Variants in RIMBP2 observed in about 807,000 individuals in gnomAD.
RIMBP2 encodes the protein RIMS-binding protein 2.
RIMBP2 carries 48 observed loss-of-function variants against 118.6 expected under a neutral mutation model. The observed-to-expected ratio is 0.40, with a 90% CI of 0.32 to 0.51. The LOEUF (loss-of-function observed/expected upper bound fraction) is 0.51. Ranked by LOEUF, RIMBP2 falls within the 20% of genes least tolerant of loss-of-function variation. The pLI is 0.41. For synonymous variants in RIMBP2, 762 were observed against 742.9 expected (o/e 1.03, Z -0.42); for missense variants, 1,551 against 1,768.3 (o/e 0.88, Z 2.20).
Position 130,622,414 on chromosome 12 carries a change from T to A in RIMBP2, c.-217+5908A>T, listed in dbSNP as rs1378137433. Among the ~76,000 whole-genome samples the A allele has an allele frequency of 6.6e-6, 1 of 152,092 alleles. No homozygotes were observed. Among genetic ancestry groups the A allele is most frequent in the Non-Finnish European group, 1.5e-5 (1 of 67,992 alleles). ...ATATAACACAAAACTGTTGGTTAATTCACTAGTTATTTTGTACATAAATTC... is the reference window on the plus strand; with the variant it reads ...ATATAACACAAAACTGTTGGTTAATACACTAGTTATTTTGTACATAAATTC... On this transcript the variant is annotated intron_variant, in intron 2 of 22. Transcript: ENST00000690449. This position sits in a 1 kb window ranked among gnomAD's most constrained non-coding sequence, Gnocchi z 8.5.
chr12:130,418,396 C>T (rs1337010692), intron 17 of RIMBP2, among the ~76,000 whole-genome samples: 1 of 152,198 alleles, frequency 6.6e-6, no homozygotes, highest in Non-Finnish European at 1.5e-5. Flanking sequence ...ATGGCCTCTA[C>T]AACAGGCACA....
chr12:130,499,395 A>G (rs888644670), intron 4 of RIMBP2, among the ~76,000 whole-genome samples: 3 of 152,208 alleles, frequency 2.0e-5, no homozygotes, highest in Non-Finnish European at 4.4e-5. Context: ...AGTTGCAGAT[A>G]TAATTCCTTA....
chr12:130,596,317 G>A (rs559227553), intron 2 of RIMBP2, among the ~76,000 whole-genome samples: 1 of 152,236 alleles, frequency 6.6e-6, no homozygotes, highest in African/African-American at 2.4e-5. Context: ...TACACCAAGG[G>A]CGTTACTTTC....
chr12:130,477,071 A>G (rs2081492337), intron 5 of RIMBP2, among the ~76,000 whole-genome samples: 1 of 152,206 alleles, frequency 6.6e-6, no homozygotes, highest in Non-Finnish European at 1.5e-5. Context: ...AAATTGGCCC[A>G]TTCATATTTC....
At position 130,525,616 on chromosome 12, in the gene RIMBP2, ATTGGC is replaced by A; in HGVS notation, c.-216-7704_-216-7700del. Among the ~76,000 whole-genome samples, 1 of 152,082 alleles carries A rather than the reference ATTGGC, an allele frequency of 6.6e-6. No homozygotes were observed. The highest frequency in any genetic ancestry group is 1.5e-5 in the Non-Finnish European group (1 of 68,016). On this transcript the variant is annotated intron_variant, in intron 2 of 22. Coordinates refer to ENST00000690449, the MANE Select transcript of RIMBP2 (RefSeq NM_001393629.1). This position sits in a 1 kb window ranked among gnomAD's most constrained non-coding sequence, Gnocchi z 4.4. Reference sequence around the variant, plus strand: ...TGAGGGTGGTAACGTTCATGGGGGCATTGGCAGGTGCAGATGGACACATGGGGAAG... The same window carrying A: ...TGAGGGTGGTAACGTTCATGGGGGCAAGGTGCAGATGGACACATGGGGAAG...
intron 1 of RIMBP2, among the ~76,000 whole-genome samples, chr12:130,646,060 CACCT>C (rs2062873144): frequency 8.3e-6 from 1 of 121,200 alleles, no homozygotes; most frequent in Non-Finnish European, 1.9e-5. Context: ...CCTCCCTCAC[CACCT>C]GCCTCTCCAC....
intron 2 of RIMBP2, among the ~76,000 whole-genome samples, chr12:130,604,284 T>C (rs868833327): frequency 1.1e-5 from 1 of 94,384 alleles, no homozygotes; most frequent in South Asian, 4.3e-4. Context: ...AAAAGGTTTT[T>C]AAAAAGTAAA....
intron 2 of RIMBP2, among the ~76,000 whole-genome samples, chr12:130,625,754 T>C (rs2061582744): frequency 6.6e-6 from 1 of 152,200 alleles, no homozygotes; most frequent in Admixed American, 6.5e-5. Flanking sequence ...CACTCCACTC[T>C]AGCTTCCAAC....
In RIMBP2 at chr12:130,511,410, G is replaced by A. The variant is rs994404164; in HGVS notation, c.-126-4640C>T. Among the ~76,000 whole-genome samples, 5 of 152,186 alleles carry A rather than the reference G, an allele frequency of 3.3e-5. No homozygotes were observed. The highest frequency in any genetic ancestry group is 1.9e-4 in the East Asian group (1 of 5,184). ...CAGCTAAACAGCAGTCCTCGTTACCGCGAGCACGCGTCGAATTGTCACTCT... is the reference window on the plus strand; with the variant it reads ...CAGCTAAACAGCAGTCCTCGTTACCACGAGCACGCGTCGAATTGTCACTCT... On this transcript the variant is annotated intron_variant, in intron 3 of 22. Transcript: ENST00000690449. This position sits in a 1 kb window ranked among gnomAD's most constrained non-coding sequence, Gnocchi z 4.3.
Position 130,629,239 on chromosome 12 carries a change from G to A in RIMBP2, c.-351-783C>T, listed in dbSNP as rs187814650. ...GTGAGAGGAAGGATAAAAAGCAAGT[G>A]AGGCTTTATCCTAGAACTTGGAGCT... On this transcript the variant is annotated intron_variant, in intron 1 of 22. Coordinates refer to ENST00000690449, the MANE Select transcript of RIMBP2 (RefSeq NM_001393629.1). Among the ~76,000 whole-genome samples the A allele has an allele frequency of 3.6e-3, 546 of 152,320 alleles. 4 individuals carry two copies. Among genetic ancestry groups the A allele is most frequent in the African/African-American group, 0.012 (511 of 41,574 alleles).
chr12:130,518,799 A>G (rs555285935), intron 2 of RIMBP2, among the ~76,000 whole-genome samples: 3 of 152,356 alleles, frequency 2.0e-5, no homozygotes, highest in Non-Finnish European at 4.4e-5. Context: ...TCTCTCATTC[A>G]AGATGAGTCT....
At chr12:130,552,390 A>G (rs1037977846) in intron 2 of RIMBP2, among the ~76,000 whole-genome samples, 3 of 152,260 alleles carry the variant, frequency 2.0e-5, no homozygotes, top group African/African-American at 4.8e-5. Flanking sequence ...TTATAAAAGA[A>G]AATTAGTGCA....
intron 1 of RIMBP2, among the ~76,000 whole-genome samples, chr12:130,629,693 GC>G (rs1432548520): frequency 1.3e-5 from 2 of 152,080 alleles, no homozygotes; most frequent in Admixed American, 1.3e-4. Context: ...CTCAAACTAG[GC>G]AAGAGACTGG....
At chr12:130,534,265 G>C (rs1346433049) in intron 2 of RIMBP2, among the ~76,000 whole-genome samples, 5 of 148,974 alleles carry the variant, frequency 3.4e-5, no homozygotes, top group Non-Finnish European at 7.5e-5. Context: ...GGAGTGGAAG[G>C]GGGTGGGAGG....
At chr12:130,572,875 G>A (rs1186314525) in intron 2 of RIMBP2, among the ~76,000 whole-genome samples, 1 of 152,176 alleles carries the variant, frequency 6.6e-6, no homozygotes, top group Non-Finnish European at 1.5e-5. Context: ...GAGCGAGGCA[G>A]GAGCCAGGGT....
intron 4 of RIMBP2, among the ~76,000 whole-genome samples, chr12:130,485,132 T>C (rs754705271): frequency 6.6e-6 from 1 of 152,202 alleles, no homozygotes; most frequent in African/African-American, 2.4e-5. Context: ...GAGGGACTCA[T>C]GAGGCAACCA....
chr12:130,488,418 C>A, intron 4 of RIMBP2, among the ~76,000 whole-genome samples: 1 of 151,418 alleles, frequency 6.6e-6, no homozygotes, highest in Non-Finnish European at 1.5e-5. Context: ...ATAGCTCAGT[C>A]AGGGGGTGGT....
At chr12:130,593,261 C>T (rs1343754552) in intron 2 of RIMBP2, among the ~76,000 whole-genome samples, 1 of 152,214 alleles carries the variant, frequency 6.6e-6, no homozygotes, top group Admixed American at 6.5e-5. Flanking sequence ...GCACTGGACA[C>T]CTTTCCGCAA....
intron 4 of RIMBP2, among the ~76,000 whole-genome samples, chr12:130,495,653 A>G (rs1269396102): frequency 2.0e-5 from 3 of 152,196 alleles, no homozygotes; most frequent in African/African-American, 7.2e-5. Context: ...CTGGCATGGT[A>G]CCTGGCTATC....
Sources: gnomAD v4.1 joint callset for allele counts (sites outside exome capture counted in the v4.1 genomes callset) on GRCh38, gnomAD v4.1.1 for gene constraint, Gnocchi (gnomAD v3.1) non-coding constraint, MANE v1.5 for transcripts, NCBI Gene and HGNC (gene_info 2026-07-23, HGNC 2026-07-21) for gene names.